The following TEK variants were observed in gnomAD, a reference collection of about 807,000 sequenced individuals.
TEK encodes the protein angiopoietin-1 receptor.
TEK carries 43 observed loss-of-function variants against 131.8 expected under a neutral mutation model. The ratio of observed to expected loss-of-function variants is 0.33; its 90% CI spans 0.26 to 0.42. The LOEUF (loss-of-function observed/expected upper bound fraction) is 0.42. TEK is among the 10% of genes least tolerant of loss of function. TEK has a pLI of 1.00. For synonymous variants in TEK, 580 were observed against 491.6 expected (o/e 1.18, Z -2.38); for missense variants, 1,162 against 1,384.4 (o/e 0.84, Z 2.55).
chr9:27,219,292 C>G (rs993265178), intron 20 of TEK, among the ~76,000 whole-genome samples: 3 of 152,198 alleles, frequency 2.0e-5, no homozygotes, highest in African/African-American at 7.2e-5. Flanking sequence ...CCGTGGAATA[C>G]TATGCAGCCA....
chr9:27,209,620 G>C (rs112700955), intron 16 of TEK, among the ~76,000 whole-genome samples: 46 of 152,220 alleles, frequency 3.0e-4, no homozygotes, highest in African/African-American at 1.1e-3. Context: ...TTGGTATTCT[G>C]AATGTTAAAA....
intron 1 of TEK, among the ~76,000 whole-genome samples, chr9:27,110,396 T>C (rs1385980531): frequency 2.0e-5 from 3 of 152,150 alleles, no homozygotes. Flanking sequence ...TGTTTATTGC[T>C]TAGATACTCC....
intron 1 of TEK, among the ~76,000 whole-genome samples, chr9:27,113,227 T>C (rs1039621799): frequency 6.6e-6 from 1 of 152,232 alleles, no homozygotes; most frequent in African/African-American, 2.4e-5. Context: ...ATACCCATTT[T>C]CCAGGGTTGT....
At position 27,180,966 on chromosome 9, in the gene TEK, T is replaced by G. The variant is rs112487248; in HGVS notation, c.1030+598T>G. On this transcript the variant is annotated intron_variant, in intron 7 of 22. Transcript: ENST00000380036. ...GGTTTTTAGTATATTTACAGAGCTA[T>G]GCCATCATTGCCATAATCTAATTTT... Among the ~76,000 whole-genome samples the G allele has an allele frequency of 2.1e-3, 318 of 152,336 alleles. 3 individuals carry two copies. Among genetic ancestry groups the G allele is most frequent in the Middle Eastern group, 0.01 (3 of 294 alleles).
intron 6 of TEK, among the ~76,000 whole-genome samples, chr9:27,177,711 T>C (rs1377847081): frequency 2.6e-5 from 4 of 152,106 alleles, no homozygotes; most frequent in African/African-American, 9.7e-5. Flanking sequence ...GGTCATGCCA[T>C]TGCATTCCAG....
At chr9:27,218,439 G>A (rs1056057847) in intron 19 of TEK, among the ~76,000 whole-genome samples, 1 of 152,136 alleles carries the variant, frequency 6.6e-6, no homozygotes, top group African/African-American at 2.4e-5. Flanking sequence ...TTCAGCAACT[G>A]TTTCCAGGTC....
intron 1 of TEK, among the ~76,000 whole-genome samples, chr9:27,148,391 A>T (rs1823002548): frequency 6.6e-6 from 1 of 152,218 alleles, no homozygotes; most frequent in Non-Finnish European, 1.5e-5. Context: ...TCCAAAACAT[A>T]ATGGTAAAAC....
chr9:27,121,497 A>G (rs929280192), intron 1 of TEK, among the ~76,000 whole-genome samples: 3 of 148,962 alleles, frequency 2.0e-5, no homozygotes, highest in African/African-American at 7.4e-5. Flanking sequence ...TTATATACAT[A>G]TTTTATTTGT....
chr9:27,220,206 C>T, intron 21 of TEK, 61 bp downstream of exon 21: 2 of 1,534,586 alleles, frequency 1.3e-6, no homozygotes, highest in Admixed American at 3.4e-5. Flanking sequence ...GTTTCTGGGG[C>T]CAGCTGACTC....
intron 1 of TEK, among the ~76,000 whole-genome samples, chr9:27,128,403 G>T (rs1367592724): frequency 6.6e-6 from 1 of 152,174 alleles, no homozygotes; most frequent in Non-Finnish European, 1.5e-5. Context: ...TTTGAAGTCA[G>T]GTAGCTTGAT....
At chr9:27,179,471 A>T (rs1035788003) in intron 6 of TEK, among the ~76,000 whole-genome samples, 2 of 152,104 alleles carry the variant, frequency 1.3e-5, no homozygotes, top group African/African-American at 4.8e-5. Flanking sequence ...CCTTTAAAAA[A>T]CGGGCCTTAA....
chr9:27,172,129 C>CGTGGTTGG (rs200074629), intron 4 of TEK, among the ~76,000 whole-genome samples: 1,588 of 152,276 alleles, frequency 0.01, 26 homozygotes, highest in African/African-American at 0.036. Flanking sequence ...TTCAGTAGGT[C>CGTGGTTGG]GTGGTTGGGT....
At chr9:27,114,476 C>A (rs151070728) in intron 1 of TEK, among the ~76,000 whole-genome samples, 16 of 151,874 alleles carry the variant, frequency 1.1e-4, no homozygotes, top group African/African-American at 3.9e-4. Flanking sequence ...AAGGTTGAGG[C>A]AGGAAAATCT....
chr9:27,113,692 G>A lies in TEK; in HGVS notation c.52+4050G>A, dbSNP rs1479350448. Among the ~76,000 whole-genome samples, 3 of 152,298 alleles carry A rather than the reference G, an allele frequency of 2.0e-5. No individual in the cohort carries two copies. The East Asian group carries it at 5.8e-4, about 29-fold the overall frequency. On this transcript the variant is annotated intron_variant, in intron 1 of 22. Coordinates refer to ENST00000380036, the MANE Select transcript of TEK (RefSeq NM_000459.5). ...GTCAAGACTGATCTAATCTGCCCCA[G>A]GATGTAGGAGAACCACTTAATATTC...
intron 1 of TEK, among the ~76,000 whole-genome samples, chr9:27,123,072 A>AAC (rs1476150619): frequency 6.7e-6 from 1 of 149,884 alleles, no homozygotes; most frequent in Non-Finnish European, 1.5e-5. Flanking sequence ...AAAAAAAAAA[A>AAC]AAAAAACTGG....
intron 18 of TEK, among the ~76,000 whole-genome samples, chr9:27,214,362 C>G (rs73427185): frequency 0.026 from 4,021 of 152,138 alleles, 137 homozygotes; most frequent in African/African-American, 0.09. Flanking sequence ...ATGTGTCTGG[C>G]AGATCTACTC....
intron 1 of TEK, among the ~76,000 whole-genome samples, chr9:27,150,704 C>A (rs1046953268): frequency 1.6e-4 from 24 of 152,128 alleles, no homozygotes; most frequent in Admixed American, 2.0e-4. Flanking sequence ...GCTTCCTGCA[C>A]CCCCACTGCC....
Position 27,217,700 on chromosome 9 carries a change from G to C in TEK, c.3004G>C (p.Val1002Leu), listed in dbSNP as rs1564105728. 1.9e-6 allele frequency: 3 copies of C among 1,613,818 alleles called. No individual in the cohort carries two copies. Among genetic ancestry groups the C allele is most frequent in the Non-Finnish European group, 1.7e-6 (2 of 1,179,764 alleles). ...TTGTTCTCTCCAGGGAAGGCTCCCA[G>C]TGCGCTGGATGGCCATCGAGTCACT... ...YVKKTMGRLP[V>L]RWMAIESLNY... The change falls in exon 19 of 23, where the codon GTG (valine) becomes CTG (leucine). Residue 1002 changes from valine to leucine, a missense_variant. By Grantham distance (32) the Val-to-Leu change is conservative (BLOSUM62 1). This residue lies in a region of TEK where 107 missense variants were observed against 173.9 expected (regional missense o/e 0.62). Coordinates refer to ENST00000380036, the MANE Select transcript of TEK (RefSeq NM_000459.5).
At chr9:27,218,383 T>C (rs111981029) in intron 19 of TEK, among the ~76,000 whole-genome samples, 3,542 of 152,116 alleles carry the variant, frequency 0.023, 127 homozygotes, top group African/African-American at 0.081. Context: ...GAGGCAGGGA[T>C]TATTGTCCCC....
Sources: allele counts gnomAD v4.1 joint callset (sites outside exome capture counted in the v4.1 genomes callset), GRCh38; gene constraint gnomAD v4.1.1; regional missense constraint gnomAD v4.1.1; transcripts MANE v1.5; gene names NCBI Gene and HGNC (gene_info 2026-07-23, HGNC 2026-07-21).